RHOXF1: variants seen among roughly 807,000 people sequenced by gnomAD.
The protein encoded by RHOXF1 is Rhox homeobox family member 1.
In RHOXF1, 1 loss-of-function variant was observed where a neutral mutation model predicts 9.7. The observed-to-expected ratio is 0.10, with a 90% CI of 0.04 to 0.49. RHOXF1 has a LOEUF of 0.49. RHOXF1 is among the 20% of genes least tolerant of loss of function. The pLI is 0.95. For synonymous variants in RHOXF1, 72 were observed against 70.2 expected, an observed-to-expected ratio of 1.03 and a Z score of -0.13; for missense variants, 179 against 168.0, an observed-to-expected ratio of 1.07 and a Z score of -0.36.
upstream of RHOXF1, chrX:120,119,697 G>A (rs1556001066): frequency 1.8e-5 from 2 of 111,782 alleles, no homozygotes; most frequent in African/African-American, 6.5e-5. Context: ...TTTGATCCAA[G>A]GCTGAAAATT....
At chrX:120,117,035 C>T (rs1556000760), upstream of RHOXF1, among the ~76,000 whole-genome samples, 3 of 111,224 alleles carry the variant, frequency 2.7e-5, no homozygotes, top group Non-Finnish European at 5.7e-5. Flanking sequence ...CACTTCTGCT[C>T]CACAGAGCCT....
Position 120,113,276 on chromosome X carries a change from C to T in RHOXF1, c.399-362G>A, listed in dbSNP as rs1414073096. On this transcript the variant is annotated intron_variant, in intron 1 of 2. Transcript: ENST00000217999. ...CGTGCCTCAGCCTCCCGAGTAGCTGCGATTACAGGCACATACCACCATGCC... is the reference window on the plus strand; with the variant it reads ...CGTGCCTCAGCCTCCCGAGTAGCTGTGATTACAGGCACATACCACCATGCC... Among the ~76,000 whole-genome samples, 8 of 109,541 alleles carry T rather than the reference C, an allele frequency of 7.3e-5. No homozygotes were observed. In the South Asian group the frequency reaches 1.2e-3, roughly 17 times the overall value.
upstream of RHOXF1, chrX:120,120,407 A>G (rs1403887882): frequency 2.7e-5 from 3 of 111,981 alleles, no homozygotes; most frequent in Non-Finnish European, 3.8e-5. Flanking sequence ...CATGCAGTGT[A>G]AACATTAACA....
At chrX:120,114,680 T>C (rs1158077885) in intron 1 of RHOXF1, among the ~76,000 whole-genome samples, 1 of 111,769 alleles carries the variant, frequency 8.9e-6, no homozygotes, top group Non-Finnish European at 1.9e-5. Context: ...AAGTGGCCAC[T>C]AAGCACATGA....
rs1416988640 is a variant in RHOXF1, at chrX:120,115,568, C to T, written c.295G>A (p.Glu99Lys). ...AQAAMEGPQPENMQPRTRRTK... is the reference protein window; with the variant it reads ...AQAAMEGPQPKNMQPRTRRTK... Reference sequence around the variant, plus strand: ...CGCCGAGTTCGTGGCTGCATGTTCTCGGGCTGCGGACCCTCCATGGCCGCC... The same window carrying T: ...CGCCGAGTTCGTGGCTGCATGTTCTTGGGCTGCGGACCCTCCATGGCCGCC... The change falls in exon 1 of 3, where the codon GAG (glutamate) becomes AAG (lysine). Residue 99 changes from glutamate (E) to lysine (K), a missense_variant. Physicochemically the swap from Glu to Lys is moderately conservative, Grantham distance 56. Transcript: ENST00000217999. 12 of 1,143,423 alleles carry T rather than the reference C, an allele frequency of 1.0e-5. No individual in the cohort carries two copies. Among genetic ancestry groups the T allele is most frequent in the Admixed American group, 2.9e-5 (1 of 34,060 alleles). 94.2% of individuals were successfully genotyped at this position (1,143,423 alleles called of 1,213,427 possible). A position where few individuals can be genotyped will look rare whatever the true frequency, so the allele number is the denominator to read the frequency against.
upstream of RHOXF1, among the ~76,000 whole-genome samples, chrX:120,118,967 G>A (rs2057306921): frequency 8.9e-6 from 1 of 111,861 alleles, no homozygotes; most frequent in Admixed American, 9.5e-5. Flanking sequence ...CTGGCCCAGG[G>A]CTCATACATG....
chrX:120,120,079 G>A (rs1556001106), upstream of RHOXF1, among the ~76,000 whole-genome samples: 5 of 112,063 alleles, frequency 4.5e-5, no homozygotes, highest in Non-Finnish European at 9.4e-5. Flanking sequence ...GCTATTTCCA[G>A]TGCTCAGGAT....
chrX:120,119,482 TA>T (rs782635833), upstream of RHOXF1: 9 of 112,003 alleles, frequency 8.0e-5, no homozygotes, highest in Admixed American at 2.8e-4. Flanking sequence ...ATATTTAAAG[TA>T]AAACATTTAA....
chrX:120,113,660 T>C (rs1239446964), intron 1 of RHOXF1, among the ~76,000 whole-genome samples: 1 of 109,033 alleles, frequency 9.2e-6, no homozygotes, highest in Non-Finnish European at 1.9e-5. Context: ...GGTTTTGCCA[T>C]GTTGCCCAGG....
Position 120,115,698 on chromosome X carries a change from GTTCACACCGCCCTCAGGGTT to G in RHOXF1, c.145_164del (p.Asn49ProfsTer74). 8.3e-7 allele frequency: 1 copy of G among 1,208,225 alleles called. No homozygotes were observed. ...CATCGCGGTTCATGCCGTTCTCGTG[GTTCACACCGCCCTCAGGGTT>G]CATATTACCCATGAGGCCTGGAGCT... On this transcript the variant is annotated frameshift_variant, in exon 1 of 3. Coordinates refer to ENST00000217999, the MANE Select transcript of RHOXF1 (RefSeq NM_139282.3). LOFTEE classifies it high-confidence loss of function.
chrX:120,120,008 G>A (rs1416778079), upstream of RHOXF1, among the ~76,000 whole-genome samples: 1 of 110,648 alleles, frequency 9.0e-6, no homozygotes, highest in Non-Finnish European at 1.9e-5. Flanking sequence ...TAGTTGCAAA[G>A]GAAAAAATAC....
chrX:120,119,453 A>C (rs782625477), upstream of RHOXF1: 2 of 111,759 alleles, frequency 1.8e-5, no homozygotes, highest in Admixed American at 1.9e-4. Flanking sequence ...AGAGTGAATC[A>C]AAAATTAAAA....
chrX:120,116,703 C>T (rs1041206298), upstream of RHOXF1, among the ~76,000 whole-genome samples: 1 of 110,492 alleles, frequency 9.1e-6, no homozygotes, highest in African/African-American at 3.3e-5. Flanking sequence ...GTGCTGGGAT[C>T]GGGATCTTGG....
rs1316079266 is a variant in RHOXF1 at position 120,112,286 on chromosome X, G to A, written c.444+583C>T. ...CCTGCATTAACTTGAATACTTCTAA[G>A]GTAAGACTGAACCCCACCATGACTC... On this transcript the variant is annotated intron_variant, in intron 2 of 2. Coordinates refer to ENST00000217999, the MANE Select transcript of RHOXF1 (RefSeq NM_139282.3). Among the ~76,000 whole-genome samples, 3 of 105,059 alleles carry A rather than the reference G, an allele frequency of 2.9e-5. No individual in the cohort carries two copies. The East Asian group carries it at 8.9e-4, about 31-fold the overall frequency. The allele number at this position is 105,059 out of a possible 115,157, so 91.2% of individuals were successfully genotyped here.
At chrX:120,112,452 C>CATATATTATATATAATACACAT (rs1275974751) in intron 2 of RHOXF1, among the ~76,000 whole-genome samples, 3 of 45,292 alleles carry the variant, frequency 6.6e-5, no homozygotes, top group Non-Finnish European at 1.3e-4. Context: ...ATATAATACA[C>CATATATTATATATAATACACAT]ATATGTATAA....
At chrX:120,118,087 G>C (rs143434766), upstream of RHOXF1, among the ~76,000 whole-genome samples, 341 of 112,455 alleles carry the variant, frequency 3.0e-3, no homozygotes, top group African/African-American at 0.01. Context: ...TAGTTGAGGG[G>C]AAGTAGTACA....
chrX:120,116,972 T>C (rs1422834007), upstream of RHOXF1, among the ~76,000 whole-genome samples: 1 of 111,643 alleles, frequency 9.0e-6, no homozygotes, highest in Admixed American at 9.4e-5. Flanking sequence ...AAATCTCCAA[T>C]CTTGGGATGG....
chrX:120,118,094 T>C (rs1257194249), upstream of RHOXF1, among the ~76,000 whole-genome samples: 1 of 112,243 alleles, frequency 8.9e-6, no homozygotes, highest in African/African-American at 3.2e-5. Flanking sequence ...GGGGAAGTAG[T>C]ACAGGCTGCC....
At chrX:120,118,744 G>C (rs1429775993), upstream of RHOXF1, among the ~76,000 whole-genome samples, 1 of 111,802 alleles carries the variant, frequency 8.9e-6, no homozygotes, top group Admixed American at 9.5e-5. Flanking sequence ...CCAGCAGCCA[G>C]AGTGATCTGA....
Sources: gnomAD v4.1 joint callset for allele counts (sites outside exome capture counted in the v4.1 genomes callset) on GRCh38, gnomAD v4.1.1 for gene constraint, MANE v1.5 for transcripts, NCBI Gene and HGNC (gene_info 2026-07-23, HGNC 2026-07-21) for gene names.